Variants in DENND2B observed in about 807,000 individuals in gnomAD.
DENND2B encodes the protein DENN domain containing 2B.
DENND2B carries 32 observed loss-of-function variants against 116.0 expected under a neutral mutation model. That is an observed-to-expected ratio of 0.28 (90% CI 0.21 to 0.37). The LOEUF is 0.37. Ranked by LOEUF, DENND2B falls within the 10% of genes least tolerant of loss-of-function variation. DENND2B has a pLI of 1.00. For missense variants in DENND2B, 1,276 were observed against 1,477.7 expected, an observed-to-expected ratio of 0.86 and a Z score of 2.24; for synonymous variants, 588 against 583.9, an observed-to-expected ratio of 1.01 and a Z score of -0.10.
rs940439779 is a variant in DENND2B, at chr11:8,798,470, A to G, written c.-26+12047T>C. On this transcript the variant is annotated intron_variant, in intron 1 of 19. Coordinates refer to ENST00000313726, the MANE Select transcript of DENND2B (RefSeq NM_213618.2). ...AATAAAAGCCATCCCAACCCCCCCA[A>G]TGACAAAACATTAAGGGCTATCAGG... 9.2e-5 allele frequency among the ~76,000 whole-genome samples: 14 copies of G among 152,120 alleles called. No homozygotes were observed. The East Asian group carries it at 1.3e-3, about 15-fold the overall frequency.
intron 1 of DENND2B, among the ~76,000 whole-genome samples, chr11:8,805,598 C>T (rs576185714): frequency 6.6e-6 from 1 of 152,098 alleles, no homozygotes; most frequent in Non-Finnish European, 1.5e-5. Flanking sequence ...TTCCTTCATT[C>T]GAATCGTGCT....
chr11:8,903,421 A>T (rs145819367), intron 1 of DENND2B, among the ~76,000 whole-genome samples: 2,092 of 151,648 alleles, frequency 0.014, 21 homozygotes, highest in Middle Eastern at 0.041. Context: ...TCTCAAAAGA[A>T]AAAAAAAGGA....
chr11:8,710,897 A>G lies in DENND2B; in HGVS notation c.2300T>C (p.Met767Thr), dbSNP rs777584068. The change falls in exon 11 of 20, where the codon ATG becomes ACG. Residue 767 changes from methionine to threonine, a missense_variant. Transcript: ENST00000313726. ...TCTGCTGCCATCTTCCCCAGTCAGCATGAAAGAAAAGGTCTCACTGGAACA... is the reference window on the plus strand; with the variant it reads ...TCTGCTGCCATCTTCCCCAGTCAGCGTGAAAGAAAAGGTCTCACTGGAACA... ...SEYSSETFSF[M>T]LTGEDGSRRF... 6.2e-7 allele frequency: 1 copy of G among 1,614,008 alleles called. No individual in the cohort carries two copies. The highest frequency in any genetic ancestry group is 1.3e-5 in the African/African-American group (1 of 74,924).
Position 8,855,638 on chromosome 11 carries a change from G to A in DENND2B, c.-156+1705C>T, listed in dbSNP as rs992700223. The stretch of plus-strand genomic sequence containing the variant: ...TTTCATAGGAAGGAGGAAACAGCAC[G>A]CCGAGAAGGCTCTTCTTTGGGATTA... On this transcript the variant is annotated intron_variant, in intron 3 of 6. Coordinates refer to the DENND2B transcript ENST00000524757. 6.6e-5 allele frequency among the ~76,000 whole-genome samples: 10 copies of A among 151,908 alleles called. No individual in the cohort carries two copies. In the East Asian group the frequency reaches 1.4e-3, roughly 21 times the overall value.
At chr11:8,784,264 A>C (rs1262773266) in intron 1 of DENND2B, 1 of 151,814 alleles carries the variant, frequency 6.6e-6, no homozygotes, top group East Asian at 1.9e-4. Context: ...AAAAAAAAAA[A>C]AAAAACATTA....
At chr11:8,725,201 T>A (rs113966369) in intron 4 of DENND2B, among the ~76,000 whole-genome samples, 334 of 152,302 alleles carry the variant, frequency 2.2e-3, no homozygotes, top group African/African-American at 7.6e-3. Context: ...GATTAGGTCA[T>A]GAGTGCAGGG....
At chr11:8,811,925 G>C (rs552875019), upstream of DENND2B, among the ~76,000 whole-genome samples, 22 of 152,058 alleles carry the variant, frequency 1.4e-4, no homozygotes, top group African/African-American at 5.3e-4. Flanking sequence ...TTTTTATAGA[G>C]ACAGGGTCTC....
chr11:8,794,917 C>A (rs1565963688), intron 1 of DENND2B: 1 of 152,266 alleles, frequency 6.6e-6, no homozygotes, highest in East Asian at 1.9e-4. Flanking sequence ...TGAAATTCAA[C>A]TCCTGGCCTA....
intron 1 of DENND2B, among the ~76,000 whole-genome samples, chr11:8,779,926 AG>A (rs558731467): frequency 9.8e-5 from 15 of 152,324 alleles, no homozygotes; most frequent in African/African-American, 3.1e-4. Context: ...CTGGTACTCA[AG>A]GCTCCTGCTC....
At chr11:8,711,915 G>A (rs574952144) in intron 9 of DENND2B, 24 of 450,608 alleles carry the variant, frequency 5.3e-5, no homozygotes, top group South Asian at 3.6e-4. Flanking sequence ...AGAGCAAGCT[G>A]GGCAGGGGAG....
At chr11:8,878,434 G>T (rs1233118238) in intron 2 of DENND2B, among the ~76,000 whole-genome samples, 1 of 150,798 alleles carries the variant, frequency 6.6e-6, no homozygotes, top group African/African-American at 2.4e-5. Flanking sequence ...CAGTCGTCCA[G>T]GCTGGAGTGC....
chr11:8,888,840 G>A (rs1464009785), intron 1 of DENND2B, among the ~76,000 whole-genome samples: 2 of 152,100 alleles, frequency 1.3e-5, no homozygotes, highest in Non-Finnish European at 2.9e-5. Context: ...TAATCATTAC[G>A]GAAATGCAAA....
intron 3 of DENND2B, among the ~76,000 whole-genome samples, chr11:8,853,577 T>A (rs1464775915): frequency 1.3e-5 from 2 of 152,132 alleles, no homozygotes; most frequent in African/African-American, 4.8e-5. Flanking sequence ...GCATCCTGAA[T>A]GGACTAAGAC....
chr11:8,857,718 G>A (rs1307020990), intron 2 of DENND2B, among the ~76,000 whole-genome samples: 1 of 152,200 alleles, frequency 6.6e-6, no homozygotes, highest in Non-Finnish European at 1.5e-5. Flanking sequence ...CTGTGTAGAA[G>A]AAAGGGAACT....
intron 1 of DENND2B, among the ~76,000 whole-genome samples, chr11:8,778,122 G>A (rs2057944504): frequency 6.6e-6 from 1 of 152,190 alleles, no homozygotes; most frequent in African/African-American, 2.4e-5. Context: ...CACTAACGGG[G>A]ATCAATGAGT....
intron 1 of DENND2B, among the ~76,000 whole-genome samples, chr11:8,899,151 T>C (rs920620748): frequency 2.4e-4 from 36 of 151,604 alleles, no homozygotes; most frequent in African/African-American, 8.7e-4. Flanking sequence ...TCAATAGAGA[T>C]TATACAATTT....
At chr11:8,830,295 T>G (rs1234521042) in intron 4 of DENND2B, among the ~76,000 whole-genome samples, 1 of 152,192 alleles carries the variant, frequency 6.6e-6, no homozygotes, top group South Asian at 2.1e-4. Context: ...CCTTATAAAG[T>G]TGACCCAACT....
chr11:8,827,790 T>C (rs535719757), intron 4 of DENND2B, among the ~76,000 whole-genome samples: 1 of 152,326 alleles, frequency 6.6e-6, no homozygotes, highest in East Asian at 1.9e-4. Flanking sequence ...TTATCCAAGA[T>C]GGCTAGGAAG....
Position 8,730,678 on chromosome 11 carries a change from C to T in DENND2B, c.612G>A (p.Leu204=). 6.2e-7 allele frequency: 1 copy of T among 1,611,822 alleles called. No homozygotes were observed. Among genetic ancestry groups the T allele is most frequent in the South Asian group, 1.1e-5 (1 of 91,008 alleles). The part of the protein sequence containing the change: ...EWAASEGCPS[L]GCPSVVPSPC... ...GGGACGGCACCACGCTGGGACAGCC[C>T]AGGCTGGGGCAGCCCTCACTGGCCG... is the stretch of plus-strand genomic sequence containing the variant. The change falls in exon 3 of 20, where the codon CTG becomes CTA. Residue 204 remains leucine (L), a synonymous_variant. Coordinates refer to ENST00000313726, the MANE Select transcript of DENND2B (RefSeq NM_213618.2). The surrounding 1 kb of genome is among the most constrained non-coding windows in gnomAD (Gnocchi z 4.1).
Sources: allele counts gnomAD v4.1 joint callset (sites outside exome capture counted in the v4.1 genomes callset), GRCh38; gene constraint gnomAD v4.1.1; non-coding constraint Gnocchi (gnomAD v3.1); transcripts MANE v1.5; gene names NCBI Gene and HGNC (gene_info 2026-07-23, HGNC 2026-07-21).